INTS2: variants seen among roughly 807,000 people sequenced by gnomAD.
INTS2 encodes integrator complex subunit 2, also known as KIAA1287.
INTS2 carries 57 observed loss-of-function variants against 139.6 expected under a neutral mutation model. That is an observed-to-expected ratio of 0.41 (90% confidence interval 0.33 to 0.51). INTS2 has a LOEUF of 0.51. INTS2 is among the 20% of genes least tolerant of loss of function. The pLI, the probability that INTS2 is intolerant of heterozygous loss-of-function variation, is 0.28. For missense variants in INTS2, 1,196 were observed against 1,436.7 expected, an observed-to-expected ratio of 0.83 and a Z score of 2.71; for synonymous variants, 473 against 493.4, an observed-to-expected ratio of 0.96 and a Z score of 0.55.
Position 61,870,933 on chromosome 17 carries a change from T to C in INTS2, c.2779-945A>G, listed in dbSNP as rs991215333. 6.6e-6 allele frequency among the ~76,000 whole-genome samples: 1 copy of C among 152,148 alleles called. No individual in the cohort carries two copies. Among genetic ancestry groups the C allele is most frequent in the Non-Finnish European group, 1.5e-5 (1 of 68,030 alleles). On this transcript the variant is annotated intron_variant, in intron 20 of 24. Transcript: ENST00000251334. The surrounding 1 kb of genome is among the most constrained non-coding windows in gnomAD (Gnocchi z 4.4). Reference sequence around the variant, plus strand: ...TTCTCTGGGTCACATTTTCCTACTCTGTAAAAATGGAGATAATACTCTATA... The same window carrying C: ...TTCTCTGGGTCACATTTTCCTACTCCGTAAAAATGGAGATAATACTCTATA...
At chr17:61,918,434 G>T (rs1029318325) in intron 5 of INTS2, among the ~76,000 whole-genome samples, 3 of 152,056 alleles carry the variant, frequency 2.0e-5, no homozygotes, top group Non-Finnish European at 4.4e-5. Flanking sequence ...TAGAGACGGG[G>T]TTTCACTATG....
Position 61,897,876 on chromosome 17 carries a change from G to T in INTS2, c.1308-137C>A. ...AAGTATCAAGTCAAATTAAAGGCTTGCTGAATTGGGCCATTAATTGTCATT... is the reference window on the plus strand; with the variant it reads ...AAGTATCAAGTCAAATTAAAGGCTTTCTGAATTGGGCCATTAATTGTCATT... On this transcript the variant is annotated intron_variant, in intron 9 of 24. Coordinates refer to ENST00000251334, the MANE Select transcript of INTS2 (RefSeq NM_001351695.2). The surrounding 1 kb of genome is among the most constrained non-coding windows in gnomAD (Gnocchi z 4.4). 1.5e-6 allele frequency: 1 copy of T among 647,324 alleles called. No homozygotes were observed. The highest frequency in any genetic ancestry group is 2.7e-6 in the Non-Finnish European group (1 of 373,934). 40.1% of individuals were successfully genotyped at this position (647,324 alleles called of 1,614,324 possible). A position where few individuals can be genotyped will look rare whatever the true frequency, so the allele number is the denominator to read the frequency against.
intron 9 of INTS2, among the ~76,000 whole-genome samples, chr17:61,899,281 G>A (rs961688187): frequency 3.3e-5 from 5 of 151,548 alleles, no homozygotes; most frequent in East Asian, 3.9e-4. Context: ...GAGAAGTTTC[G>A]CTCTTGTTGC....
chr17:61,915,544 C>T (rs1603382722), intron 5 of INTS2, among the ~76,000 whole-genome samples: 1 of 146,140 alleles, frequency 6.8e-6, no homozygotes, highest in African/African-American at 2.5e-5. Flanking sequence ...AAAGTCCGGG[C>T]GCGGTGGCTC....
intron 2 of INTS2, among the ~76,000 whole-genome samples, chr17:61,925,824 A>G (rs962478099): frequency 2.0e-5 from 3 of 151,888 alleles, no homozygotes; most frequent in African/African-American, 7.3e-5. Context: ...CAGGAGTTGG[A>G]GACCAGCCTG....
In INTS2 at chr17:61,866,386, G is replaced by A; in HGVS notation, c.*1171C>T. Reference sequence around the variant, plus strand: ...AAAAAAAAAAAAAAACACAAGTGAAGAGGTCTGTTTCAAGTGGGGGTGGGG... The same window carrying A: ...AAAAAAAAAAAAAAACACAAGTGAAAAGGTCTGTTTCAAGTGGGGGTGGGG... On this transcript the variant is annotated 3_prime_UTR_variant, in exon 25 of 25. Transcript: ENST00000251334. 1 of 151,074 alleles carries A rather than the reference G, an allele frequency of 6.6e-6. No homozygotes were observed. Among genetic ancestry groups the A allele is most frequent in the African/African-American group, 2.4e-5 (1 of 41,056 alleles). 9.4% of individuals were successfully genotyped at this position (151,074 alleles called of 1,614,324 possible).
Position 61,893,315 on chromosome 17 carries a change from CACACATTTCCT to C in INTS2, c.1698+439_1698+449del, listed in dbSNP as rs1467223387. Among the ~76,000 whole-genome samples the C allele has an allele frequency of 6.6e-6, 1 of 151,846 alleles. No individual in the cohort carries two copies. The highest frequency in any genetic ancestry group is 1.9e-4 in the East Asian group (1 of 5,196). ...AATGACTAGTAACTTAGCTTAATAC[CACACATTTCCT>C]ACACAAAACCCACAATAAATGCCTA... On this transcript the variant is annotated intron_variant, in intron 13 of 24. Transcript: ENST00000251334. This position sits in a 1 kb window ranked among gnomAD's most constrained non-coding sequence, Gnocchi z 5.4.
chr17:61,907,691 A>C, intron 7 of INTS2, 57 bp from the exon 8 acceptor site: 2 of 1,407,484 alleles, frequency 1.4e-6, no homozygotes, highest in Non-Finnish European at 2.0e-6. Context: ...CTAAACTAAA[A>C]GGGAGCTAAA....
chr17:61,896,189 G>A (rs1248735944), intron 11 of INTS2, among the ~76,000 whole-genome samples: 2 of 141,686 alleles, frequency 1.4e-5, no homozygotes, highest in Admixed American at 7.5e-5. Flanking sequence ...GCAGTGAGCC[G>A]AGATCGCACC....
chr17:61,894,500 C>G (rs2079327393), intron 12 of INTS2, among the ~76,000 whole-genome samples: 1 of 152,012 alleles, frequency 6.6e-6, no homozygotes, highest in South Asian at 2.1e-4. Context: ...TGTGCATATG[C>G]GTGTTGAGGG....
At chr17:61,891,269 G>A (rs555698303) in intron 14 of INTS2, among the ~76,000 whole-genome samples, 28 of 151,318 alleles carry the variant, frequency 1.9e-4, no homozygotes, top group East Asian at 9.8e-4. Context: ...CTGAGATCGC[G>A]CCACTGCACT....
intron 13 of INTS2, among the ~76,000 whole-genome samples, chr17:61,892,101 C>G (rs2079301245): frequency 6.6e-6 from 1 of 152,060 alleles, no homozygotes; most frequent in African/African-American, 2.4e-5. Flanking sequence ...CTGAAAAGCA[C>G]TTACAGGAGA....
At position 61,871,940 on chromosome 17, in the gene INTS2, C is replaced by CA. The variant is rs369271565; in HGVS notation, c.2778+324dup. On this transcript the variant is annotated intron_variant, in intron 20 of 24. Coordinates refer to ENST00000251334, the MANE Select transcript of INTS2 (RefSeq NM_001351695.2). This position sits in a 1 kb window ranked among gnomAD's most constrained non-coding sequence, Gnocchi z 4.9. ...CAGGGCGAAACTCTGTCTCAAAAAA[C>CA]AAAAAAAACAAAAAAAATGTGCCGA... 6.0e-3 allele frequency: 1,026 copies of CA among 169,626 alleles called. 13 individuals carry two copies. The highest frequency in any genetic ancestry group is 6.1e-3 in the Non-Finnish European group (489 of 80,580). The allele number at this position is 169,626 out of a possible 1,614,324, so 10.5% of individuals were successfully genotyped here. A position where few individuals can be genotyped will look rare whatever the true frequency, so the allele number is the denominator to read the frequency against.
intron 16 of INTS2, among the ~76,000 whole-genome samples, chr17:61,884,036 T>C (rs533066464): frequency 4.0e-5 from 6 of 151,510 alleles, no homozygotes; most frequent in Admixed American, 1.3e-4. Context: ...ATATCTAATT[T>C]CAAAAAACAC....
rs1328619230 is a variant in INTS2, at chr17:61,884,568, T to TA, written c.2089+332dup. ...AGAGTTAAAAAAATTTTTTTTTTTT[T>TA]ACCTCTGTTAAGTGTCTGTTAGGTT... On this transcript the variant is annotated intron_variant, in intron 16 of 24. Coordinates refer to ENST00000251334, the MANE Select transcript of INTS2 (RefSeq NM_001351695.2). Among the ~76,000 whole-genome samples, 10 of 152,204 alleles carry TA rather than the reference T, an allele frequency of 6.6e-5. No homozygotes were observed. The South Asian group carries it at 1.5e-3, about 22-fold the overall frequency.
In INTS2 at chr17:61,869,272, C is replaced by T; in HGVS notation, c.3138+1G>A. On this transcript the variant is annotated splice_donor_variant, in intron 22 of 24. Transcript: ENST00000251334. LOFTEE classifies it high-confidence loss of function. This position sits in a 1 kb window ranked among gnomAD's most constrained non-coding sequence, Gnocchi z 5.4. ...TCCTAAAGCTCCAAAATGCTCATTACCTGTTTCTCAAGTTCTGGCTGTGCA... is the reference window on the plus strand; with the variant it reads ...TCCTAAAGCTCCAAAATGCTCATTATCTGTTTCTCAAGTTCTGGCTGTGCA... The T allele has an allele frequency of 6.3e-7, 1 of 1,593,954 alleles. No homozygotes were observed. Among genetic ancestry groups the T allele is most frequent in the Non-Finnish European group, 8.6e-7 (1 of 1,165,802 alleles).
chr17:61,884,230 C>A (rs2079204389), intron 16 of INTS2, among the ~76,000 whole-genome samples: 1 of 152,090 alleles, frequency 6.6e-6, no homozygotes, highest in Admixed American at 6.6e-5. Flanking sequence ...GTGGCTCACT[C>A]CTGTAATTCC....
rs1277084438 is a variant in INTS2, at chr17:61,909,678, G to A, written c.954+1842C>T. Among the ~76,000 whole-genome samples, 7 of 151,988 alleles carry A rather than the reference G, an allele frequency of 4.6e-5. No individual in the cohort carries two copies. Among genetic ancestry groups the A allele is most frequent in the Non-Finnish European group, 5.9e-5 (4 of 68,016 alleles). ...ATGCAATATTTGACTTTGTTTATGC[G>A]TTATTTCACTTAATATAATGGCCTC... On this transcript the variant is annotated intron_variant, in intron 7 of 24. Transcript: ENST00000251334. This position sits in a 1 kb window ranked among gnomAD's most constrained non-coding sequence, Gnocchi z 4.9.
intron 1 of INTS2, chr17:61,927,304 G>C (rs940494970): frequency 1.9e-5 from 3 of 160,094 alleles, no homozygotes; most frequent in South Asian, 3.5e-4. Context: ...TGCTATGTGA[G>C]AAAGACGCGT....
Sources: allele counts gnomAD v4.1 joint callset (sites outside exome capture counted in the v4.1 genomes callset), GRCh38; gene constraint gnomAD v4.1.1; non-coding constraint Gnocchi (gnomAD v3.1); transcripts MANE v1.5; gene names NCBI Gene and HGNC (gene_info 2026-07-23, HGNC 2026-07-21).